The following BRI3 variants were observed in gnomAD, a reference collection of about 807,000 sequenced individuals.
The protein encoded by BRI3 is brain protein I3.
BRI3 carries 6 observed loss-of-function variants against 12.8 expected under a neutral mutation model. The observed-to-expected ratio is 0.47, with a 90% CI of 0.26 to 0.93. The LOEUF is 0.93. BRI3 is among the 40% of genes least tolerant of loss of function. BRI3 has a pLI of 0.15. For missense variants in BRI3, 134 were observed against 171.1 expected (o/e 0.78, Z 1.21); for synonymous variants, 91 against 76.1 (o/e 1.20, Z -1.02).
At chr7:98,322,880 T>C in the BRI3 span, 1 of 152,266 alleles carries the variant, frequency 6.6e-6, no homozygotes, top group South Asian at 2.1e-4. Context: ...GGAAACCAGC[T>C]TCCGAGCTGT....
chr7:98,310,701 T>TTTA, downstream of BRI3: 4 of 924,606 alleles, frequency 4.3e-6, no homozygotes, highest in South Asian at 2.3e-5. Context: ...TATTTATTTA[T>TTTA]TTTGAGACAG....
the BRI3 span, among the ~76,000 whole-genome samples, chr7:98,318,601 C>T: frequency 1.3e-5 from 2 of 151,856 alleles, no homozygotes; most frequent in Non-Finnish European, 2.9e-5. Context: ...TAAACGGACC[C>T]GCGTCAGAAT....
intron 2 of BRI3, 125 bp from the exon 3 acceptor site, chr7:98,290,986 C>T: frequency 8.8e-7 from 1 of 1,136,368 alleles, no homozygotes; most frequent in Non-Finnish European, 1.3e-6. Context: ...TTTTCTGTCA[C>T]TCGCCAGAGG....
At chr7:98,286,630 G>A (rs1562957330) in intron 2 of BRI3, among the ~76,000 whole-genome samples, 1 of 152,202 alleles carries the variant, frequency 6.6e-6, no homozygotes, top group Non-Finnish European at 1.5e-5. Context: ...CTGCCCTCCA[G>A]TGCTGGGGAC....
intron 2 of BRI3, among the ~76,000 whole-genome samples, chr7:98,289,565 T>TCC (rs201592986): frequency 6.6e-6 from 1 of 152,080 alleles, no homozygotes; most frequent in African/African-American, 2.4e-5. Context: ...AGGCTCCCCT[T>TCC]CCCCCCTAAG....
chr7:98,294,184 G>C, downstream of BRI3: 2 of 1,516,968 alleles, frequency 1.3e-6, no homozygotes, highest in Non-Finnish European at 1.8e-6. Context: ...GTAGAGATGG[G>C]GATTTGCTAT....
At chr7:98,295,833 C>T (rs754725048), downstream of BRI3, among the ~76,000 whole-genome samples, 4 of 152,160 alleles carry the variant, frequency 2.6e-5, no homozygotes, top group Admixed American at 6.5e-5. Context: ...CCCAGTAAAT[C>T]CTCACAAAGA....
At chr7:98,292,524 G>A (rs1800010381), downstream of BRI3, 1 of 1,025,490 alleles carries the variant, frequency 9.8e-7, no homozygotes, top group Non-Finnish European at 1.5e-6. Context: ...GGCAGCCAAA[G>A]ATGATTTCCA....
At chr7:98,289,539 T>G (rs1228926449) in intron 2 of BRI3, among the ~76,000 whole-genome samples, 1 of 152,228 alleles carries the variant, frequency 6.6e-6, no homozygotes, top group African/African-American at 2.4e-5. Flanking sequence ...GGCAGGCGGC[T>G]GCACTGCCTT....
intron 2 of BRI3, among the ~76,000 whole-genome samples, chr7:98,285,970 T>G (rs1799699040): frequency 1.3e-5 from 2 of 152,164 alleles, no homozygotes; most frequent in Non-Finnish European, 2.9e-5. Flanking sequence ...CTGGGGTTGT[T>G]CCTGGGCGTG....
upstream of BRI3, among the ~76,000 whole-genome samples, chr7:98,303,627 T>C (rs918733233): frequency 8.5e-5 from 13 of 152,324 alleles, no homozygotes; most frequent in Non-Finnish European, 1.8e-4. Context: ...CACCAGGGCC[T>C]CTGTGCGGTG....
At chr7:98,282,033 G>A (rs1204618582) in intron 1 of BRI3, 96 bp downstream of exon 1, 8 of 1,304,178 alleles carry the variant, frequency 6.1e-6, no homozygotes, top group Non-Finnish European at 9.7e-7. Flanking sequence ...CCGCCCGGGG[G>A]TCCTTCCTGG....
At chr7:98,296,710 A>T (rs921627893), downstream of BRI3, among the ~76,000 whole-genome samples, 2 of 152,260 alleles carry the variant, frequency 1.3e-5, no homozygotes, top group African/African-American at 4.8e-5. Flanking sequence ...TTCCCGTTTA[A>T]CATCTGCATG....
At position 98,286,942 on chromosome 7, in the gene BRI3, G is replaced by A. The variant is rs76492266; in HGVS notation, c.246-4169G>A. The stretch of plus-strand genomic sequence containing the variant: ...TCTTGGCGTTTGAAGTTGTGGGTAC[G>A]GCTGTGGAATCCTGGGGGGTAGGGA... On this transcript the variant is annotated intron_variant, in intron 2 of 2. Coordinates refer to ENST00000297290, the MANE Select transcript of BRI3 (RefSeq NM_015379.5). Among the ~76,000 whole-genome samples, 16 of 152,344 alleles carry A rather than the reference G, an allele frequency of 1.1e-4. No homozygotes were observed. In the East Asian group the frequency reaches 2.5e-3, roughly 24 times the overall value.
chr7:98,315,500 T>C, the BRI3 span: 1 of 1,521,926 alleles, frequency 6.6e-7, no homozygotes, highest in Non-Finnish European at 8.9e-7. Flanking sequence ...AAAGCCACAG[T>C]GCTTATCAAC....
At chr7:98,290,417 G>C (rs896628816) in intron 2 of BRI3, among the ~76,000 whole-genome samples, 1 of 151,348 alleles carries the variant, frequency 6.6e-6, no homozygotes, top group African/African-American at 2.4e-5. Flanking sequence ...GGATGGTCTC[G>C]ATCTCCTGAC....
chr7:98,307,341 G>A lies in BRI3; in HGVS notation n.145-174G>A, dbSNP rs146403049. 9.0e-3 allele frequency: 9,456 copies of A among 1,047,590 alleles called. 54 individuals are homozygous for A. Among genetic ancestry groups the A allele is most frequent in the Non-Finnish European group, 0.011 (8,894 of 839,930 alleles). 64.9% of individuals were successfully genotyped at this position (1,047,590 alleles called of 1,614,324 possible). ...GGCTGGTCTGGAACTCCTAACCTCA[G>A]GTGATCTGCCCGCCTTAGCCTCCCA... On this transcript the variant is annotated intron_variant and non_coding_transcript_variant, in intron 1 of 1. Transcript: ENST00000485422.
intron 2 of BRI3, among the ~76,000 whole-genome samples, chr7:98,284,866 G>T (rs1460058164): frequency 6.6e-6 from 1 of 152,146 alleles, no homozygotes; most frequent in Non-Finnish European, 1.5e-5. Context: ...GCCCTGCCCT[G>T]CCCTGCCTTG....
At chr7:98,289,596 C>G (rs991923671) in intron 2 of BRI3, among the ~76,000 whole-genome samples, 1 of 152,238 alleles carries the variant, frequency 6.6e-6, no homozygotes, top group Non-Finnish European at 1.5e-5. Flanking sequence ...CATCATCTAT[C>G]AGACAGCCCC....
Sources: gnomAD v4.1 joint callset for allele counts (sites outside exome capture counted in the v4.1 genomes callset) on GRCh38, gnomAD v4.1.1 for gene constraint, MANE v1.5 for transcripts, NCBI Gene and HGNC (gene_info 2026-07-23, HGNC 2026-07-21) for gene names.